CACNA2D1: variants seen among roughly 807,000 people sequenced by gnomAD.
CACNA2D1 encodes the protein calcium voltage-gated channel auxiliary subunit alpha2delta 1, also known as voltage-dependent calcium channel subunit alpha-2/delta-1.
Under a neutral mutation model 171.5 loss-of-function variants are expected in CACNA2D1, and 53 were observed. The observed-to-expected ratio is 0.31, with a 90% CI of 0.25 to 0.39. CACNA2D1 has a LOEUF of 0.39. CACNA2D1 is among the 10% of genes least tolerant of loss of function. The pLI is 1.00. For synonymous variants in CACNA2D1, 442 were observed against 443.1 expected (o/e 1.00, Z 0.03); for missense variants, 903 against 1,299.8 (o/e 0.69, Z 4.69).
intron 38 of CACNA2D1, among the ~76,000 whole-genome samples, chr7:81,952,468 T>C (rs868297655): frequency 6.6e-6 from 1 of 152,112 alleles, no homozygotes; most frequent in Non-Finnish European, 1.5e-5. Flanking sequence ...TTAGTTTCAA[T>C]CAATTTACAT....
chr7:82,338,402 A>T (rs1458764137), intron 2 of CACNA2D1, among the ~76,000 whole-genome samples: 2 of 151,996 alleles, frequency 1.3e-5, no homozygotes, highest in East Asian at 3.9e-4. Flanking sequence ...GGCTATTCAC[A>T]GAGGCAATCC....
intron 9 of CACNA2D1, among the ~76,000 whole-genome samples, chr7:82,060,977 C>T (rs1263534168): frequency 6.6e-6 from 1 of 152,098 alleles, no homozygotes; most frequent in Non-Finnish European, 1.5e-5. Context: ...ATGCCTTGTT[C>T]TGCATCCTAA....
At chr7:82,201,141 G>T (rs1024208045) in intron 3 of CACNA2D1, among the ~76,000 whole-genome samples, 3 of 152,270 alleles carry the variant, frequency 2.0e-5, no homozygotes, top group Admixed American at 1.3e-4. Flanking sequence ...ATTGGAAGAG[G>T]TGTTTGTGAC....
At chr7:82,242,004 A>C (rs2129296784) in intron 3 of CACNA2D1, among the ~76,000 whole-genome samples, 1 of 152,262 alleles carries the variant, frequency 6.6e-6, no homozygotes, top group East Asian at 1.9e-4. Flanking sequence ...AGCTTTTAAA[A>C]TCATTCTCCA....
rs1159337619 is a variant in CACNA2D1 at position 82,443,529 on chromosome 7, C to CGGAGGA, written c.-76_-71dup. ...AAGGAGCGGCGCTGGAAACCGCGGG[C>CGGAGGA]GGAGGAAGAGCAGCACACGCCGCCG... On this transcript the variant is annotated 5_prime_UTR_variant, in exon 1 of 39. Transcript: ENST00000356860. 4.7e-5 allele frequency: 73 copies of CGGAGGA among 1,569,008 alleles called. No individual in the cohort carries two copies. The highest frequency in any genetic ancestry group is 6.0e-5 in the Non-Finnish European group (69 of 1,158,284).
chr7:82,105,637 G>A (rs1240047529), intron 6 of CACNA2D1, among the ~76,000 whole-genome samples: 5 of 151,944 alleles, frequency 3.3e-5, no homozygotes, highest in South Asian at 2.1e-4. Flanking sequence ...ACTCATCTGG[G>A]GACTTCTGCT....
intron 9 of CACNA2D1, among the ~76,000 whole-genome samples, chr7:82,062,812 C>G (rs183286293): frequency 3.7e-5 from 5 of 134,480 alleles, no homozygotes; most frequent in African/African-American, 1.1e-4. Context: ...ATGAACACAA[C>G]TCACTGTAGC....
rs1426970711 is a variant in CACNA2D1, at chr7:81,950,390, G to T, written c.*2C>A. On this transcript the variant is annotated 3_prime_UTR_variant, in exon 39 of 39. Transcript: ENST00000356860. Reference sequence around the variant, plus strand: ...AACTATGCAGATTTGGTTTTTAGAAGGTCATAACAGGCGGTGTGTGCTGCC... The same window carrying T: ...AACTATGCAGATTTGGTTTTTAGAATGTCATAACAGGCGGTGTGTGCTGCC... 1 of 1,613,020 alleles carries T rather than the reference G, an allele frequency of 6.2e-7. No individual in the cohort carries two copies. The highest frequency in any genetic ancestry group is 1.3e-5 in the African/African-American group (1 of 74,800).
intron 7 of CACNA2D1, among the ~76,000 whole-genome samples, chr7:82,080,182 A>T (rs566695067): frequency 6.6e-6 from 1 of 151,264 alleles, no homozygotes; most frequent in Non-Finnish European, 1.5e-5. Flanking sequence ...TATATATATA[A>T]AAATAAATTG....
At chr7:81,954,173 T>C in intron 38 of CACNA2D1, among the ~76,000 whole-genome samples, 1 of 152,094 alleles carries the variant, frequency 6.6e-6, no homozygotes, top group Admixed American at 6.6e-5. Flanking sequence ...CTATAGAGAC[T>C]GAAATCCCAC....
chr7:81,982,841 T>TC (rs1715883536), intron 23 of CACNA2D1: 1 of 618,924 alleles, frequency 1.6e-6, no homozygotes, highest in South Asian at 1.8e-5. Flanking sequence ...ATAACATGGA[T>TC]CCCCACAGTT....
intron 3 of CACNA2D1, among the ~76,000 whole-genome samples, chr7:82,229,452 T>A (rs926093107): frequency 1.2e-4 from 18 of 152,238 alleles, no homozygotes; most frequent in African/African-American, 4.3e-4. Context: ...TTACACAGAA[T>A]AGTCAGAGCT....
At chr7:82,239,493 T>C in intron 3 of CACNA2D1, among the ~76,000 whole-genome samples, 1 of 152,132 alleles carries the variant, frequency 6.6e-6, no homozygotes, top group East Asian at 1.9e-4. Flanking sequence ...GTGATAACAA[T>C]AGTAGGTAAA....
At chr7:82,108,911 C>T (rs942960463) in intron 6 of CACNA2D1, among the ~76,000 whole-genome samples, 1 of 152,088 alleles carries the variant, frequency 6.6e-6, no homozygotes, top group Non-Finnish European at 1.5e-5. Flanking sequence ...CTGCTCGCAC[C>T]TAATGAGAAA....
chr7:82,201,332 T>C (rs534333267), intron 3 of CACNA2D1, among the ~76,000 whole-genome samples: 2 of 152,326 alleles, frequency 1.3e-5, no homozygotes, highest in South Asian at 4.1e-4. Flanking sequence ...GTATCACATA[T>C]AATCTGCTTT....
At chr7:82,107,799 G>A (rs1375238256) in intron 6 of CACNA2D1, among the ~76,000 whole-genome samples, 3 of 151,772 alleles carry the variant, frequency 2.0e-5, no homozygotes, top group Non-Finnish European at 2.9e-5. Flanking sequence ...GGCCAGGCTG[G>A]TCTCGAACTC....
intron 3 of CACNA2D1, among the ~76,000 whole-genome samples, chr7:82,240,474 A>G (rs1169820137): frequency 1.3e-5 from 2 of 152,174 alleles, no homozygotes; most frequent in African/African-American, 4.8e-5. Context: ...CTCCTTTCAT[A>G]AGGACATGAA....
chr7:82,410,547 G>A, intron 1 of CACNA2D1: 6 of 984,748 alleles, frequency 6.1e-6, no homozygotes, highest in Non-Finnish European at 7.2e-6. Flanking sequence ...CATCAGGGGT[G>A]GCTGATGCCA....
chr7:82,227,722 A>AT (rs1802506305), intron 3 of CACNA2D1, among the ~76,000 whole-genome samples: 1 of 152,176 alleles, frequency 6.6e-6, no homozygotes, highest in African/African-American at 2.4e-5. Flanking sequence ...AAAGCCAGAG[A>AT]TTTTGCAATT....
Sources: gnomAD v4.1 joint callset for allele counts (sites outside exome capture counted in the v4.1 genomes callset) on GRCh38, gnomAD v4.1.1 for gene constraint, MANE v1.5 for transcripts, NCBI Gene and HGNC (gene_info 2026-07-23, HGNC 2026-07-21) for gene names.